The following GPC5 variants were observed in gnomAD, a reference collection of about 807,000 sequenced individuals.
The protein encoded by GPC5 is glypican-5.
In GPC5, 47 loss-of-function variants were observed where a neutral mutation model predicts 53.9. The ratio of observed to expected loss-of-function variants is 0.87; its 90% CI spans 0.69 to 1.11. The LOEUF (loss-of-function observed/expected upper bound fraction) is 1.11. Among genes scored for constraint, GPC5 ranks in the 50% most tolerant of loss-of-function variants. The pLI is 0.00. For missense variants in GPC5, 748 were observed against 713.1 expected (o/e 1.05, Z -0.56); for synonymous variants, 286 against 263.3 (o/e 1.09, Z -0.84).
At chr13:91,907,679 AG>A (rs748855647) in intron 5 of GPC5, among the ~76,000 whole-genome samples, 77 of 151,890 alleles carry the variant, frequency 5.1e-4, no homozygotes, top group Non-Finnish European at 7.1e-4. Context: ...ATTGTTAAGT[AG>A]TATCAAAAAA....
At chr13:92,589,947 G>T (rs1883662807) in intron 7 of GPC5, among the ~76,000 whole-genome samples, 1 of 152,178 alleles carries the variant, frequency 6.6e-6, no homozygotes, top group Non-Finnish European at 1.5e-5. Flanking sequence ...GTGTGGCCAA[G>T]GTTAAAAGGT....
chr13:92,616,032 T>C (rs1242308158), intron 7 of GPC5, among the ~76,000 whole-genome samples: 1 of 152,122 alleles, frequency 6.6e-6, no homozygotes, highest in Non-Finnish European at 1.5e-5. Flanking sequence ...CCAGCCTGGG[T>C]GACAGAGCGA....
intron 5 of GPC5, among the ~76,000 whole-genome samples, chr13:91,819,623 G>A (rs2038459003): frequency 6.6e-6 from 1 of 152,004 alleles, no homozygotes; most frequent in Admixed American, 6.6e-5. Flanking sequence ...AATATTTTAT[G>A]AATATAACAA....
chr13:91,991,883 G>C (rs1043470670), intron 6 of GPC5, among the ~76,000 whole-genome samples: 5 of 152,068 alleles, frequency 3.3e-5, no homozygotes, highest in African/African-American at 1.2e-4. Flanking sequence ...ACATTAGTGT[G>C]TGGTTAGGAA....
intron 2 of GPC5, among the ~76,000 whole-genome samples, chr13:91,580,738 C>A (rs2032330235): frequency 1.3e-5 from 2 of 152,234 alleles, no homozygotes; most frequent in African/African-American, 2.4e-5. Flanking sequence ...GCCATGCACA[C>A]AATCATTGTT....
intron 7 of GPC5, among the ~76,000 whole-genome samples, chr13:92,737,797 A>C (rs1246912553): frequency 1.2e-5 from 1 of 80,774 alleles, no homozygotes; most frequent in African/African-American, 5.2e-5. Flanking sequence ...AGGGAGTTTC[A>C]CTCTTGTTGC....
intron 6 of GPC5, among the ~76,000 whole-genome samples, chr13:92,057,899 GA>G (rs113805804): frequency 3.5e-4 from 52 of 148,490 alleles, no homozygotes; most frequent in East Asian, 3.1e-3. Context: ...GAGGAAAAGA[GA>G]AAAAAAAAAG....
intron 6 of GPC5, among the ~76,000 whole-genome samples, chr13:91,966,066 A>G (rs2040177848): frequency 6.6e-6 from 1 of 152,194 alleles, no homozygotes; most frequent in African/African-American, 2.4e-5. Flanking sequence ...GAACTTCTAA[A>G]TAGAAATAAT....
Position 91,983,303 on chromosome 13 carries a change from G to T in GPC5, c.1401+75246G>T, listed in dbSNP as rs372437634. Among the ~76,000 whole-genome samples the T allele has an allele frequency of 2.4e-4, 37 of 151,372 alleles. No individual in the cohort carries two copies. The East Asian group carries it at 7.4e-3, about 30-fold the overall frequency. On this transcript the variant is annotated intron_variant, in intron 6 of 7. Coordinates refer to ENST00000377067, the MANE Select transcript of GPC5 (RefSeq NM_004466.6). ...GGAGCTTGCAGTGAGCTGAGATAGC[G>T]CCACTGCACTTCAGCCTGGGCGACA... is the stretch of plus-strand genomic sequence containing the variant.
Position 92,536,797 on chromosome 13 carries a change from G to A in GPC5, c.1562-329485G>A, listed in dbSNP as rs76240726. 9.3e-3 allele frequency among the ~76,000 whole-genome samples: 1,412 copies of A among 152,068 alleles called. 25 individuals carry two copies. The highest frequency in any genetic ancestry group is 0.032 in the African/African-American group (1,317 of 41,514). ...TCAAAAAGACCATAAAATTGTATAT[G>A]TATTAATATCATAATTTTTTATACA... is the stretch of plus-strand genomic sequence containing the variant. On this transcript the variant is annotated intron_variant, in intron 7 of 7. Coordinates refer to ENST00000377067, the MANE Select transcript of GPC5 (RefSeq NM_004466.6).
intron 5 of GPC5, among the ~76,000 whole-genome samples, chr13:91,771,187 A>G (rs1271845389): frequency 3.9e-5 from 6 of 152,236 alleles, no homozygotes; most frequent in African/African-American, 1.2e-4. Flanking sequence ...TTTACAGAAC[A>G]TAACAGTGAC....
intron 6 of GPC5, among the ~76,000 whole-genome samples, chr13:92,055,984 A>G (rs2041071155): frequency 6.6e-6 from 1 of 152,134 alleles, no homozygotes; most frequent in African/African-American, 2.4e-5. Context: ...TAAATGATTT[A>G]TTGATTTATG....
rs1432408716 is a variant in GPC5, at chr13:92,151,432, TACTC to T, written c.1561+6444_1561+6447del. On this transcript the variant is annotated intron_variant, in intron 7 of 7. Transcript: ENST00000377067. ...ACAGTCTTTATTTGTATCTCTAAAA[TACTC>T]TCTATTAAAGCATGATGAAATTTTT... is the stretch of plus-strand genomic sequence containing the variant. Among the ~76,000 whole-genome samples the T allele has an allele frequency of 4.6e-5, 7 of 152,216 alleles. No homozygotes were observed. In the East Asian group the frequency reaches 1.4e-3, roughly 29 times the overall value.
intron 2 of GPC5, among the ~76,000 whole-genome samples, chr13:91,579,631 T>TTC (rs2032277878): frequency 1.4e-5 from 2 of 141,788 alleles, no homozygotes; most frequent in African/African-American, 2.6e-5. Flanking sequence ...TTTCTTTTTT[T>TTC]TTTTTTTTTT....
intron 7 of GPC5, among the ~76,000 whole-genome samples, chr13:92,377,117 C>T (rs1293998198): frequency 2.0e-5 from 3 of 152,136 alleles, no homozygotes; most frequent in African/African-American, 7.2e-5. Context: ...ATCAATGCCA[C>T]CATGAAGTCT....
intron 7 of GPC5, chr13:92,706,169 T>C (rs1189957483): frequency 6.6e-6 from 1 of 152,106 alleles, no homozygotes; most frequent in Non-Finnish European, 1.5e-5. Flanking sequence ...AAAAAATTCC[T>C]TTAATATCTC....
intron 7 of GPC5, among the ~76,000 whole-genome samples, chr13:92,861,222 C>T (rs1879171177): frequency 1.3e-5 from 2 of 152,136 alleles, no homozygotes; most frequent in Admixed American, 1.3e-4. Context: ...TTAGGATTTT[C>T]ATTAACAATG....
intron 3 of GPC5, among the ~76,000 whole-genome samples, chr13:91,698,739 G>A (rs1364474164): frequency 1.3e-5 from 2 of 149,172 alleles, no homozygotes; most frequent in Non-Finnish European, 2.9e-5. Flanking sequence ...ACATTCTACA[G>A]TAACTATCAC....
intron 6 of GPC5, among the ~76,000 whole-genome samples, chr13:92,052,559 G>T (rs528247002): frequency 1.3e-5 from 2 of 152,160 alleles, no homozygotes; most frequent in Non-Finnish European, 2.9e-5. Context: ...GTGTTGATTG[G>T]TTCATTTACA....
Sources: gnomAD v4.1 joint callset for allele counts (sites outside exome capture counted in the v4.1 genomes callset) on GRCh38, gnomAD v4.1.1 for gene constraint, MANE v1.5 for transcripts, NCBI Gene and HGNC (gene_info 2026-07-23, HGNC 2026-07-21) for gene names.